Variants in SAMD3 observed in about 807,000 individuals in gnomAD.
SAMD3 encodes the protein sterile alpha motif domain-containing protein 3.
Under a neutral mutation model 58.5 loss-of-function variants are expected in SAMD3, and 63 were observed. The observed-to-expected ratio is 1.08, with a 90% confidence interval of 0.88 to 1.33. The LOEUF (loss-of-function observed/expected upper bound fraction) is 1.33, where lower values mean the gene tolerates loss of function less well. SAMD3 is among the 40% of genes most tolerant of loss of function. SAMD3 has a pLI of 0.00. For missense variants in SAMD3, 604 were observed against 608.4 expected (o/e 0.99, Z 0.08); for synonymous variants, 220 against 210.3 (o/e 1.05, Z -0.40).
intron 2 of SAMD3, among the ~76,000 whole-genome samples, chr6:130,236,108 T>C (rs958435769): frequency 2.0e-5 from 3 of 152,258 alleles, no homozygotes; most frequent in African/African-American, 7.2e-5. Flanking sequence ...GATTTTTAAA[T>C]GAGTGCATTG....
At chr6:130,300,816 C>T (rs1775721591) in intron 2 of SAMD3, among the ~76,000 whole-genome samples, 1 of 152,034 alleles carries the variant, frequency 6.6e-6, no homozygotes, top group Non-Finnish European at 1.5e-5. Flanking sequence ...ATATCAGTAG[C>T]ATTTCTTTAT....
chr6:130,224,203 G>C (rs370993421), upstream of SAMD3, among the ~76,000 whole-genome samples: 4 of 152,228 alleles, frequency 2.6e-5, no homozygotes. Flanking sequence ...CTGCCAGTGT[G>C]TTCCTCTTGA....
intron 8 of SAMD3, among the ~76,000 whole-genome samples, chr6:130,170,844 G>A (rs950942118): frequency 4.8e-4 from 73 of 152,194 alleles, no homozygotes; most frequent in African/African-American, 1.6e-3. Flanking sequence ...GTTTTTGGGC[G>A]AGATGATGGT....
chr6:130,207,193 A>T (rs1006434074), intron 5 of SAMD3, among the ~76,000 whole-genome samples: 1 of 151,828 alleles, frequency 6.6e-6, no homozygotes, highest in African/African-American at 2.4e-5. Context: ...AAAAAGAAAA[A>T]AAAAGACCTA....
intron 1 of SAMD3, among the ~76,000 whole-genome samples, chr6:130,354,581 C>T (rs553224645): frequency 3.9e-5 from 6 of 152,152 alleles, no homozygotes; most frequent in South Asian, 4.2e-4. Flanking sequence ...TAACAGAAAA[C>T]CAAATATCAC....
intron 2 of SAMD3, among the ~76,000 whole-genome samples, chr6:130,253,659 T>C (rs1452785835): frequency 1.3e-5 from 2 of 152,130 alleles, no homozygotes; most frequent in Non-Finnish European, 2.9e-5. Context: ...TCTCACCTTT[T>C]AAAGTAAATA....
At chr6:130,153,657 T>C (rs1221721367) in intron 9 of SAMD3, among the ~76,000 whole-genome samples, 2 of 93,338 alleles carry the variant, frequency 2.1e-5, no homozygotes, top group East Asian at 5.3e-4. Context: ...CATATATATA[T>C]ATATATATTT....
intron 1 of SAMD3, among the ~76,000 whole-genome samples, chr6:130,351,284 C>T (rs1339924449): frequency 6.6e-6 from 1 of 152,126 alleles, no homozygotes; most frequent in African/African-American, 2.4e-5. Context: ...TCAGAGTGAA[C>T]AGGCAACCTA....
At chr6:130,268,671 T>C (rs895570642) in intron 2 of SAMD3, among the ~76,000 whole-genome samples, 2 of 152,220 alleles carry the variant, frequency 1.3e-5, no homozygotes, top group African/African-American at 4.8e-5. Context: ...ATATTCAGTA[T>C]AGTAACGTGT....
intron 2 of SAMD3, among the ~76,000 whole-genome samples, chr6:130,244,244 C>A (rs905364416): frequency 2.0e-5 from 3 of 152,134 alleles, no homozygotes; most frequent in South Asian, 2.1e-4. Flanking sequence ...GCCCCACTAA[C>A]CTTAGGATGT....
intron 1 of SAMD3, among the ~76,000 whole-genome samples, chr6:130,219,431 A>G (rs1796131394): frequency 6.6e-6 from 1 of 152,168 alleles, no homozygotes; most frequent in Non-Finnish European, 1.5e-5. Context: ...TGGTGCACAC[A>G]TCACTGGAGC....
At chr6:130,244,833 G>A (rs1400438818) in intron 2 of SAMD3, among the ~76,000 whole-genome samples, 1 of 152,178 alleles carries the variant, frequency 6.6e-6, no homozygotes, top group Non-Finnish European at 1.5e-5. Flanking sequence ...GTGATTAACT[G>A]AGATGGTGCT....
At chr6:130,323,557 C>G (rs192416472) in intron 1 of SAMD3, among the ~76,000 whole-genome samples, 4 of 151,784 alleles carry the variant, frequency 2.6e-5, no homozygotes, top group Admixed American at 2.6e-4. Flanking sequence ...AATCCTAGCA[C>G]TTTGGGAGGC....
intron 8 of SAMD3, among the ~76,000 whole-genome samples, chr6:130,167,160 G>T (rs191994519): frequency 3.9e-3 from 593 of 152,216 alleles, no homozygotes; most frequent in Non-Finnish European, 6.7e-3. Flanking sequence ...CTTTAAAAGA[G>T]TGTCAGTTTA....
At chr6:130,265,582 C>T (rs1774314827) in intron 2 of SAMD3, among the ~76,000 whole-genome samples, 1 of 152,080 alleles carries the variant, frequency 6.6e-6, no homozygotes, top group South Asian at 2.1e-4. Context: ...TATAAGTGTA[C>T]TGGAACCCTA....
Position 130,237,516 on chromosome 6 carries a change from A to G in SAMD3, c.-187-14703T>C, listed in dbSNP as rs117537716. Among the ~76,000 whole-genome samples, 77 of 152,290 alleles carry G rather than the reference A, an allele frequency of 5.1e-4. No individual in the cohort carries two copies. In the East Asian group the frequency reaches 0.014, roughly 28 times the overall value. On this transcript the variant is annotated intron_variant, in intron 2 of 13. Transcript: ENST00000368134. ...TTCAAAGGATAGAAATGATAGAGAT[A>G]TATTTTGATAAGGGTCAGATTTTTT... is the stretch of plus-strand genomic sequence containing the variant.
intron 1 of SAMD3, among the ~76,000 whole-genome samples, chr6:130,359,268 A>T (rs1158579831): frequency 3.9e-5 from 6 of 152,092 alleles, no homozygotes. Flanking sequence ...TCAACTTTTG[A>T]TTGGGTCTGA....
upstream of SAMD3, chr6:130,365,668 G>T: frequency 1.0e-6 from 1 of 985,514 alleles, no homozygotes; most frequent in Non-Finnish European, 1.2e-6. Context: ...CCACGGGTGG[G>T]TGTGTCCGTT....
chr6:130,324,112 T>C (rs1776677650), intron 1 of SAMD3, among the ~76,000 whole-genome samples: 1 of 152,182 alleles, frequency 6.6e-6, no homozygotes, highest in Admixed American at 6.5e-5. Flanking sequence ...ACCTTCAAAA[T>C]GTCTTAACAT....
Sources: gnomAD v4.1 joint callset for allele counts (sites outside exome capture counted in the v4.1 genomes callset) on GRCh38, gnomAD v4.1.1 for gene constraint, MANE v1.5 for transcripts, NCBI Gene and HGNC (gene_info 2026-07-23, HGNC 2026-07-21) for gene names.